The following CSK variants were observed in gnomAD, a reference collection of about 807,000 sequenced individuals.
CSK encodes the protein C-terminal Src kinase.
A neutral mutation model predicts 62.3 loss-of-function variants in CSK; 7 were observed. The observed-to-expected ratio is 0.11, with a 90% CI of 0.06 to 0.21. CSK has a LOEUF of 0.21. CSK is among the 10% of genes least tolerant of loss of function. The probability of loss-of-function intolerance (pLI) is 1.00; values close to 1 mark genes in which losing one functional copy is unlikely to be tolerated. For missense variants in CSK, 294 were observed against 613.5 expected (o/e 0.48, Z 5.50); for synonymous variants, 237 against 246.0 (o/e 0.96, Z 0.34).
intron 1 of CSK, among the ~76,000 whole-genome samples, chr15:74,797,305 C>T (rs188378408): frequency 2.0e-5 from 3 of 152,286 alleles, no homozygotes; most frequent in East Asian, 3.9e-4. Context: ...CCTGTAATCC[C>T]AGCATTTTGG....
chr15:74,801,097 G>A lies in CSK; in HGVS notation c.808G>A (p.Ala270Thr). Residue 270 changes from alanine (A) to threonine (T), a missense_variant, in exon 9 of 13, where the codon GCC (alanine) becomes ACC (threonine). Transcript: ENST00000220003. ...GCTCTACATCGTCACTGAGTACATGGCCAAGGTGGGCACCTGCCGAGACCC... is the reference window on the plus strand; with the variant it reads ...GCTCTACATCGTCACTGAGTACATGACCAAGGTGGGCACCTGCCGAGACCC... ...GGLYIVTEYM[A>T]KGSLVDYLRS... The A allele has an allele frequency of 6.2e-7, 1 of 1,613,084 alleles. No homozygotes were observed. The highest frequency in any genetic ancestry group is 1.1e-5 in the South Asian group (1 of 91,076).
chr15:74,786,533 G>T (rs2141777608), intron 1 of CSK, among the ~76,000 whole-genome samples: 1 of 152,294 alleles, frequency 6.6e-6, no homozygotes, highest in South Asian at 2.1e-4. Context: ...TTAAGGGTAG[G>T]GGGATTCTGG....
chr15:74,799,994 G>A (rs1257214016), intron 5 of CSK, among the ~76,000 whole-genome samples: 2 of 152,162 alleles, frequency 1.3e-5, no homozygotes, highest in African/African-American at 4.8e-5. Context: ...GGCCACACCT[G>A]GCATCCGGTA....
Position 74,801,869 on chromosome 15 carries a change from C to T in CSK, c.1062C>T (p.Ala354=), listed in dbSNP as rs753954039. Residue 354 remains alanine (A), a synonymous_variant, in exon 11 of 13, where the codon GCC becomes GCT. Coordinates refer to ENST00000220003, the MANE Select transcript of CSK (RefSeq NM_004383.3). Reference sequence around the variant, plus strand: ...GCAAGCTGCCAGTCAAGTGGACAGCCCCTGAGGCCCTGAGAGAGAAGGTGG... The same window carrying T: ...GCAAGCTGCCAGTCAAGTGGACAGCTCCTGAGGCCCTGAGAGAGAAGGTGG... ...DTGKLPVKWT[A]PEALREKKFS... The T allele has an allele frequency of 7.4e-6, 12 of 1,611,788 alleles. No homozygotes were observed. Among genetic ancestry groups the T allele is most frequent in the Non-Finnish European group, 1.0e-5 (12 of 1,178,406 alleles).
At chr15:74,785,980 C>G in intron 1 of CSK, among the ~76,000 whole-genome samples, 1 of 117,294 alleles carries the variant, frequency 8.5e-6, no homozygotes, top group South Asian at 2.4e-4. Context: ...ATAGACAAGG[C>G]CTCTTCTCTC....
In CSK at chr15:74,802,544, T is replaced by C; in HGVS notation, c.*31T>C. On this transcript the variant is annotated 3_prime_UTR_variant, in exon 13 of 13. Transcript: ENST00000220003. ...GGCCTCCGCCTGGGTCATGGGCCTG[T>C]GGGGACTGAACCTGGAAGATCATGG... 6.2e-7 allele frequency: 1 copy of C among 1,605,610 alleles called. No homozygotes were observed.
chr15:74,798,454 G>A lies in CSK; in HGVS notation c.15+142G>A, dbSNP rs754136746. On this transcript the variant is annotated intron_variant, in intron 2 of 12. Coordinates refer to ENST00000220003, the MANE Select transcript of CSK (RefSeq NM_004383.3). The surrounding 1 kb of genome is among the most constrained non-coding windows in gnomAD (Gnocchi z 6.6). ...CAGTCAGGTACAGGCCTGGGGAAGT[G>A]GGGGAGTCTCAACAGGAAGGGACCC... 1 of 1,292,114 alleles carries A rather than the reference G, an allele frequency of 7.7e-7. No individual in the cohort carries two copies. The highest frequency in any genetic ancestry group is 1.5e-5 in the African/African-American group (1 of 67,806). The allele number at this position is 1,292,114 out of a possible 1,614,324, so 80.0% of individuals were successfully genotyped here.
chr15:74,802,654 C>T lies in CSK; in HGVS notation c.*141C>T, dbSNP rs2063811480. 5.8e-6 allele frequency: 6 copies of T among 1,030,548 alleles called. No individual in the cohort carries two copies. Among genetic ancestry groups the T allele is most frequent in the Non-Finnish European group, 4.1e-6 (3 of 730,044 alleles). The allele number at this position is 1,030,548 out of a possible 1,614,324, so 63.8% of individuals were successfully genotyped here. On this transcript the variant is annotated 3_prime_UTR_variant, in exon 13 of 13. Transcript: ENST00000220003. ...CTTTTTCCTGCGTCCCAGCCTGCACCCCTCCGGCCCCGTCTCTCTTGGACC... is the reference window on the plus strand; with the variant it reads ...CTTTTTCCTGCGTCCCAGCCTGCACTCCTCCGGCCCCGTCTCTCTTGGACC...
At position 74,801,508 on chromosome 15, in the gene CSK, C is replaced by T. The variant is rs764937849; in HGVS notation, c.814-14C>T. On this transcript the variant is annotated splice_polypyrimidine_tract_variant and intron_variant, in intron 9 of 12. Coordinates refer to ENST00000220003, the MANE Select transcript of CSK (RefSeq NM_004383.3). ...ACGTCTGACCTCGGCCTGGTCTGTC[C>T]TTCCTGCCCCCAGGGGAGCCTTGTG... is the stretch of plus-strand genomic sequence containing the variant. 24 of 1,609,002 alleles carry T rather than the reference C, an allele frequency of 1.5e-5. No individual in the cohort carries two copies. Among genetic ancestry groups the T allele is most frequent in the Non-Finnish European group, 1.9e-5 (22 of 1,176,990 alleles).
At chr15:74,792,914 A>T (rs1353303404) in intron 1 of CSK, 3 of 152,294 alleles carry the variant, frequency 2.0e-5, no homozygotes, top group African/African-American at 4.8e-5. Flanking sequence ...GGGTGGGGTG[A>T]CAGCTGCTAT....
rs536939856 is a variant in CSK, at chr15:74,786,002, C to CTTTTTTTTTTTTTT, written c.-66+3294_-66+3295insTTTTTTTTTTTTTT. Among the ~76,000 whole-genome samples, 39 of 73,612 alleles carry CTTTTTTTTTTTTTT rather than the reference C, an allele frequency of 5.3e-4. 4 individuals carry two copies. The highest frequency in any genetic ancestry group is 2.0e-3 in the South Asian group (4 of 2,026). 48.3% of individuals were successfully genotyped at this position (73,612 alleles called of 152,430 possible). On this transcript the variant is annotated intron_variant, in intron 1 of 12. Transcript: ENST00000220003. ...AGGCCTCTTCTCTCTCTCTCTCTCT[C>CTTTTTTTTTTTTTT]TTTTTTTTTTTTGTGTGTGTGTGTG...
chr15:74,797,333 A>G (rs1046730396), intron 1 of CSK, among the ~76,000 whole-genome samples: 3 of 152,146 alleles, frequency 2.0e-5, no homozygotes, highest in Non-Finnish European at 4.4e-5. Context: ...AGGTGGGTGG[A>G]TCACCTGAGG....
chr15:74,798,739 GACGCCC>G lies in CSK; in HGVS notation c.129+14_129+19del. 3.1e-6 allele frequency: 5 copies of G among 1,612,290 alleles called. No individual in the cohort carries two copies. The South Asian group carries it at 5.5e-5, about 18-fold the overall frequency. On this transcript the variant is annotated intron_variant, in intron 3 of 12. Coordinates refer to ENST00000220003, the MANE Select transcript of CSK (RefSeq NM_004383.3). The surrounding 1 kb of genome is among the most constrained non-coding windows in gnomAD (Gnocchi z 6.6). ...GTGGCCGTCACCAAGGTAATCAGGT[GACGCCC>G]ACCCCACCATCCCACTGCTGGGCCT...
Position 74,798,290 on chromosome 15 carries a change from C to T in CSK, c.-8C>T. 6.4e-7 allele frequency: 1 copy of T among 1,568,230 alleles called. No individual in the cohort carries two copies. Among genetic ancestry groups the T allele is most frequent in the Non-Finnish European group, 8.6e-7 (1 of 1,156,708 alleles). ...CTGTGACTCGGGGACGCCAGAGCTCCTGAGAAGATGTCAGCAATACAGGTA... is the reference window on the plus strand; with the variant it reads ...CTGTGACTCGGGGACGCCAGAGCTCTTGAGAAGATGTCAGCAATACAGGTA... On this transcript the variant is annotated 5_prime_UTR_variant, in exon 2 of 13. Transcript: ENST00000220003. This position sits in a 1 kb window ranked among gnomAD's most constrained non-coding sequence, Gnocchi z 6.6.
In CSK at chr15:74,798,862, C is replaced by T. The variant is rs144688425; in HGVS notation, c.166C>T (p.Arg56Cys). Residue 56 changes from arginine to cysteine, a missense_variant, in exon 4 of 13, where the codon CGT (arginine) becomes TGT (cysteine). Transcript: ENST00000220003. This position sits in a 1 kb window ranked among gnomAD's most constrained non-coding sequence, Gnocchi z 6.6. ...NWYKAKNKVG[R>C]EGIIPANYVQ... is the part of the protein sequence containing the mutation. ...GTACAAAGCCAAAAACAAGGTGGGC[C>T]GTGAGGGCATCATCCCAGCCAACTA... 7 of 1,575,404 alleles carry T rather than the reference C, an allele frequency of 4.4e-6. No individual in the cohort carries two copies. Among genetic ancestry groups the T allele is most frequent in the Non-Finnish European group, 6.0e-6 (7 of 1,159,834 alleles).
At chr15:74,796,966 GGT>G (rs2063716120) in intron 1 of CSK, among the ~76,000 whole-genome samples, 2 of 151,760 alleles carry the variant, frequency 1.3e-5, no homozygotes, top group African/African-American at 4.8e-5. Flanking sequence ...TTAGAGGCAG[GGT>G]CTCACTCTGT....
intron 1 of CSK, among the ~76,000 whole-genome samples, chr15:74,784,824 A>G (rs771318239): frequency 1.3e-5 from 2 of 152,214 alleles, no homozygotes; most frequent in Non-Finnish European, 2.9e-5. Flanking sequence ...GAAGGATTTT[A>G]AAACCTTGAC....
chr15:74,802,664 C>T lies in CSK; in HGVS notation c.*151C>T. 1.0e-6 allele frequency: 1 copy of T among 980,286 alleles called. No homozygotes were observed. The highest frequency in any genetic ancestry group is 1.5e-6 in the Non-Finnish European group (1 of 688,422). The allele number at this position is 980,286 out of a possible 1,614,324, so 60.7% of individuals were successfully genotyped here. On this transcript the variant is annotated 3_prime_UTR_variant, in exon 13 of 13. Coordinates refer to ENST00000220003, the MANE Select transcript of CSK (RefSeq NM_004383.3). ...CGTCCCAGCCTGCACCCCTCCGGCCCCGTCTCTCTTGGACCCACCTGTGGG... is the reference window on the plus strand; with the variant it reads ...CGTCCCAGCCTGCACCCCTCCGGCCTCGTCTCTCTTGGACCCACCTGTGGG...
Position 74,799,494 on chromosome 15 carries a change from G to A in CSK, c.462+3G>A. 1 of 1,611,688 alleles carries A rather than the reference G, an allele frequency of 6.2e-7. No homozygotes were observed. Among genetic ancestry groups the A allele is most frequent in the Non-Finnish European group, 8.5e-7 (1 of 1,179,424 alleles). ...AGAACCTCATGCAGCTGGTGGAGGTGAGCTGGGGGGTACAGAGCCTTGCTC... is the reference window on the plus strand; with the variant it reads ...AGAACCTCATGCAGCTGGTGGAGGTAAGCTGGGGGGTACAGAGCCTTGCTC... On this transcript the variant is annotated splice_donor_region_variant and intron_variant, in intron 5 of 12. Transcript: ENST00000220003.
Sources: allele counts gnomAD v4.1 joint callset (sites outside exome capture counted in the v4.1 genomes callset), GRCh38; gene constraint gnomAD v4.1.1; non-coding constraint Gnocchi (gnomAD v3.1); transcripts MANE v1.5; gene names NCBI Gene and HGNC (gene_info 2026-07-23, HGNC 2026-07-21).